SAMD12: variants seen among roughly 807,000 people sequenced by gnomAD.
SAMD12 encodes sterile alpha motif domain-containing protein 12.
Under a neutral mutation model 15.0 loss-of-function variants are expected in SAMD12, and 9 were observed. The ratio of observed to expected loss-of-function variants is 0.60; its 90% CI spans 0.36 to 1.05. The LOEUF (loss-of-function observed/expected upper bound fraction) is 1.05, where lower values mean the gene tolerates loss of function less well. Among genes scored for constraint, SAMD12 ranks in the 50% least tolerant of loss-of-function variants. SAMD12 has a pLI of 0.01. For synonymous variants in SAMD12, 86 were observed against 90.1 expected, an observed-to-expected ratio of 0.96 and a Z score of 0.25; for missense variants, 230 against 234.2, an observed-to-expected ratio of 0.98 and a Z score of 0.12.
At chr8:118,340,758 G>C (rs1198900585) in intron 4 of SAMD12, among the ~76,000 whole-genome samples, 1 of 152,132 alleles carries the variant, frequency 6.6e-6, no homozygotes, top group Admixed American at 6.6e-5. Flanking sequence ...GACAGAGTGA[G>C]ACTCTGTCTC....
At chr8:118,488,254 C>A (rs1314054544) in intron 2 of SAMD12, among the ~76,000 whole-genome samples, 1 of 151,878 alleles carries the variant, frequency 6.6e-6, no homozygotes, top group Non-Finnish European at 1.5e-5. Context: ...CAAGTTGCAT[C>A]ATCTGAAGGG....
At chr8:118,350,107 T>A (rs1817884255) in intron 4 of SAMD12, among the ~76,000 whole-genome samples, 1 of 152,154 alleles carries the variant, frequency 6.6e-6, no homozygotes, top group African/African-American at 2.4e-5. Context: ...AGAGTGAGAC[T>A]CTGGCTCAAA....
At chr8:118,505,639 C>A (rs1824901298) in intron 2 of SAMD12, among the ~76,000 whole-genome samples, 1 of 151,482 alleles carries the variant, frequency 6.6e-6, no homozygotes, top group Non-Finnish European at 1.5e-5. Flanking sequence ...GCCTGTGACA[C>A]TGAAGATACT....
intron 4 of SAMD12, among the ~76,000 whole-genome samples, chr8:118,204,410 G>A (rs1819804195): frequency 1.3e-5 from 2 of 152,078 alleles, no homozygotes; most frequent in South Asian, 4.2e-4. Context: ...GTTGCCCACT[G>A]AGAGTATGAT....
At chr8:118,562,169 A>C (rs1826719542) in intron 2 of SAMD12, among the ~76,000 whole-genome samples, 1 of 151,930 alleles carries the variant, frequency 6.6e-6, no homozygotes, top group Non-Finnish European at 1.5e-5. Context: ...CCTGAAGATG[A>C]GATATAACCT....
chr8:118,368,920 TC>T (rs923200021), intron 4 of SAMD12, among the ~76,000 whole-genome samples: 5 of 152,190 alleles, frequency 3.3e-5, no homozygotes, highest in African/African-American at 9.6e-5. Context: ...AACATTTTTA[TC>T]CCTTAAAAAC....
At chr8:118,405,492 G>A (rs1446947485) in intron 3 of SAMD12, among the ~76,000 whole-genome samples, 1 of 152,216 alleles carries the variant, frequency 6.6e-6, no homozygotes, top group African/African-American at 2.4e-5. Flanking sequence ...GCAGAGGTTA[G>A]AATAGTGGTT....
intron 2 of SAMD12, among the ~76,000 whole-genome samples, chr8:118,540,861 G>A (rs1825968174): frequency 6.6e-6 from 1 of 152,132 alleles, no homozygotes; most frequent in Non-Finnish European, 1.5e-5. Flanking sequence ...CCTTTCTGAT[G>A]GGACACACCC....
intron 2 of SAMD12, among the ~76,000 whole-genome samples, chr8:118,576,069 C>A (rs1483461867): frequency 6.6e-6 from 1 of 152,048 alleles, no homozygotes; most frequent in Admixed American, 6.6e-5. Flanking sequence ...CAACACAATT[C>A]CATTTTTCAT....
chr8:118,582,724 T>G (rs1345158716), intron 1 of SAMD12, among the ~76,000 whole-genome samples: 2 of 152,192 alleles, frequency 1.3e-5, no homozygotes, highest in African/African-American at 4.8e-5. Flanking sequence ...TACTGGTGTG[T>G]ACAGAAAAGT....
chr8:118,212,077 T>A (rs946786508), intron 4 of SAMD12, among the ~76,000 whole-genome samples: 1 of 135,160 alleles, frequency 7.4e-6, no homozygotes, highest in African/African-American at 2.6e-5. Flanking sequence ...TGTGTGTGTG[T>A]GTGTGTTTGT....
chr8:118,221,328 G>A (rs888228122), intron 4 of SAMD12, among the ~76,000 whole-genome samples: 2 of 152,164 alleles, frequency 1.3e-5, no homozygotes, highest in South Asian at 2.1e-4. Flanking sequence ...GTTGGAAACC[G>A]TGAGGAATAA....
rs115235764 is a variant in SAMD12 at position 118,307,609 on chromosome 8, C to T, written c.433+71951G>A. 4.7e-3 allele frequency among the ~76,000 whole-genome samples: 712 copies of T among 152,302 alleles called. 8 individuals carry two copies. Among genetic ancestry groups the T allele is most frequent in the African/African-American group, 0.016 (664 of 41,570 alleles). Reference sequence around the variant, plus strand: ...TTAGTTTATGCCTACAATAAACCTGCATAATTATTATTGTTACCCTTGTTT... The same window carrying T: ...TTAGTTTATGCCTACAATAAACCTGTATAATTATTATTGTTACCCTTGTTT... On this transcript the variant is annotated intron_variant, in intron 4 of 4. Coordinates refer to the SAMD12 transcript ENST00000409003.
At chr8:118,515,589 A>G (rs182285487) in intron 2 of SAMD12, among the ~76,000 whole-genome samples, 1 of 152,264 alleles carries the variant, frequency 6.6e-6, no homozygotes, top group African/African-American at 2.4e-5. Context: ...AGAGCCTGAC[A>G]TACTCAAGCT....
At chr8:118,430,091 T>C (rs1204645898) in intron 3 of SAMD12, among the ~76,000 whole-genome samples, 1 of 152,212 alleles carries the variant, frequency 6.6e-6, no homozygotes, top group Non-Finnish European at 1.5e-5. Flanking sequence ...CTGAATTTTG[T>C]CAAATGCTTT....
intron 2 of SAMD12, among the ~76,000 whole-genome samples, chr8:118,501,439 C>T (rs1456936238): frequency 1.3e-5 from 2 of 152,088 alleles, no homozygotes; most frequent in Non-Finnish European, 2.9e-5. Flanking sequence ...CATATATATA[C>T]AAATTTTGTC....
At chr8:118,222,409 T>C (rs1442702811) in intron 4 of SAMD12, among the ~76,000 whole-genome samples, 1 of 152,214 alleles carries the variant, frequency 6.6e-6, no homozygotes, top group Non-Finnish European at 1.5e-5. Context: ...TGAAGTCAGA[T>C]TTCTAATTTA....
At chr8:118,473,699 A>C (rs920355982) in intron 2 of SAMD12, among the ~76,000 whole-genome samples, 1 of 152,080 alleles carries the variant, frequency 6.6e-6, no homozygotes, top group Non-Finnish European at 1.5e-5. Context: ...ATGCACCTTC[A>C]CGCACAGGTC....
chr8:118,567,033 A>G (rs1395616041), intron 2 of SAMD12, among the ~76,000 whole-genome samples: 2 of 152,208 alleles, frequency 1.3e-5, no homozygotes, highest in Non-Finnish European at 2.9e-5. Flanking sequence ...TGATAGCAAA[A>G]ATAACAATAG....
Sources: gnomAD v4.1 joint callset for allele counts (sites outside exome capture counted in the v4.1 genomes callset) on GRCh38, gnomAD v4.1.1 for gene constraint, MANE v1.5 for transcripts, NCBI Gene and HGNC (gene_info 2026-07-23, HGNC 2026-07-21) for gene names.